SLC35F3: variants seen among roughly 807,000 people sequenced by gnomAD.
SLC35F3 encodes the protein putative thiamine transporter SLC35F3.
SLC35F3 carries 25 observed loss-of-function variants against 49.9 expected under a neutral mutation model. The observed-to-expected ratio is 0.50, with a 90% CI of 0.37 to 0.70. SLC35F3 has a LOEUF of 0.70. SLC35F3 is among the 30% of genes least tolerant of loss of function. The pLI, the probability that SLC35F3 is intolerant of heterozygous loss-of-function variation, is 0.00. For missense variants in SLC35F3, 525 were observed against 639.8 expected, an observed-to-expected ratio of 0.82 and a Z score of 1.94; for synonymous variants, 275 against 265.4, an observed-to-expected ratio of 1.04 and a Z score of -0.35.
rs6676157 is a variant in SLC35F3 at position 234,151,721 on chromosome 1, T to C, written c.284-79696T>C. 7.3e-3 allele frequency among the ~76,000 whole-genome samples: 1,109 copies of C among 152,198 alleles called. 19 individuals are homozygous for C. Among genetic ancestry groups the C allele is most frequent in the African/African-American group, 0.024 (999 of 41,534 alleles). ...AAAGTTAAAAGAAATGAAATGATTT[T>C]TACAAAGTGAGAGAAACTGACAAAT... On this transcript the variant is annotated intron_variant, in intron 2 of 7. Transcript: ENST00000366618.
intron 3 of SLC35F3, among the ~76,000 whole-genome samples, chr1:234,234,419 C>A (rs989669904): frequency 2.0e-5 from 3 of 152,202 alleles, no homozygotes; most frequent in Non-Finnish European, 1.5e-5. Flanking sequence ...AGCTCCGCAA[C>A]CTGCAACGCC....
At chr1:234,167,072 TG>T (rs1164309302) in intron 2 of SLC35F3, among the ~76,000 whole-genome samples, 2 of 152,232 alleles carry the variant, frequency 1.3e-5, no homozygotes, top group African/African-American at 4.8e-5. Flanking sequence ...CTCCCCTCTC[TG>T]GGGGCCAGAT....
At position 234,309,077 on chromosome 1, in the gene SLC35F3, G is replaced by A. The variant is rs140947577; in HGVS notation, c.609-24G>A. On this transcript the variant is annotated intron_variant, in intron 3 of 7. Transcript: ENST00000366618. ...TGTCTGAACCCAGGAAAATAATAACGATGCCTCTCTTTCCTTGTTTTAGGG... is the reference window on the plus strand; with the variant it reads ...TGTCTGAACCCAGGAAAATAATAACAATGCCTCTCTTTCCTTGTTTTAGGG... The A allele has an allele frequency of 1.1e-4, 180 of 1,595,732 alleles. No homozygotes were observed. In the African/African-American group the frequency reaches 2.2e-3, roughly 20 times the overall value.
intron 3 of SLC35F3, among the ~76,000 whole-genome samples, chr1:234,233,454 G>A (rs1667415695): frequency 6.6e-6 from 1 of 152,182 alleles, no homozygotes; most frequent in African/African-American, 2.4e-5. Context: ...GGTAACACTG[G>A]CTGTTGTCCC....
At chr1:234,209,489 C>T (rs1667019792) in intron 2 of SLC35F3, among the ~76,000 whole-genome samples, 1 of 152,036 alleles carries the variant, frequency 6.6e-6, no homozygotes, top group South Asian at 2.1e-4. Flanking sequence ...AATAGGCATT[C>T]CCACCACATC....
chr1:233,920,524 G>A (rs1662041134), intron 2 of SLC35F3, among the ~76,000 whole-genome samples: 1 of 152,206 alleles, frequency 6.6e-6, no homozygotes, highest in Non-Finnish European at 1.5e-5. Flanking sequence ...GGGATGTCAG[G>A]GTTGTAGTGT....
chr1:234,256,439 C>A (rs1180445118), intron 3 of SLC35F3, among the ~76,000 whole-genome samples: 2 of 152,170 alleles, frequency 1.3e-5, no homozygotes, highest in Non-Finnish European at 2.9e-5. Context: ...TATATCCTCT[C>A]CTTTGCTAAC....
intron 2 of SLC35F3, among the ~76,000 whole-genome samples, chr1:233,919,398 A>G (rs1419886841): frequency 6.6e-6 from 1 of 152,172 alleles, no homozygotes; most frequent in African/African-American, 2.4e-5. Flanking sequence ...AGATATGCTC[A>G]TTGGTGTGTG....
intron 2 of SLC35F3, among the ~76,000 whole-genome samples, chr1:234,219,929 C>T (rs1378619495): frequency 1.3e-5 from 2 of 152,126 alleles, no homozygotes; most frequent in South Asian, 2.1e-4. Flanking sequence ...CAGACGAAGG[C>T]GCAGAGCTAG....
intron 2 of SLC35F3, among the ~76,000 whole-genome samples, chr1:234,079,422 G>A (rs1420533405): frequency 1.3e-5 from 2 of 152,070 alleles, no homozygotes; most frequent in Non-Finnish European, 2.9e-5. Context: ...AAAAGCACAA[G>A]CCACTAAAGA....
intron 2 of SLC35F3, among the ~76,000 whole-genome samples, chr1:234,107,576 G>C (rs1458678476): frequency 6.6e-6 from 1 of 152,048 alleles, no homozygotes; most frequent in Non-Finnish European, 1.5e-5. Context: ...ACTATCATGT[G>C]TATGACTACT....
rs558158974 is a variant in SLC35F3, at chr1:234,183,083, C to G, written c.284-48334C>G. 5.0e-4 allele frequency among the ~76,000 whole-genome samples: 72 copies of G among 143,202 alleles called. 14 individuals are homozygous for G. The South Asian group carries it at 0.013, about 26-fold the overall frequency. 93.9% of individuals were successfully genotyped at this position (143,202 alleles called of 152,430 possible). The stretch of plus-strand genomic sequence containing the variant: ...CCAGGCTAGAGTGCAGTGGCACAAT[C>G]TCAGCTCACTGCAACCTCCACCTTG... On this transcript the variant is annotated intron_variant, in intron 2 of 7. Transcript: ENST00000366618.
At chr1:234,276,186 A>G (rs890261557) in intron 3 of SLC35F3, among the ~76,000 whole-genome samples, 1 of 152,214 alleles carries the variant, frequency 6.6e-6, no homozygotes. Context: ...ACAAATTCTC[A>G]TTATAGCCAG....
intron 2 of SLC35F3, among the ~76,000 whole-genome samples, chr1:234,160,360 C>T (rs6586374): frequency 0.15 from 22,732 of 152,108 alleles, 5,396 homozygotes; most frequent in African/African-American, 0.5. Flanking sequence ...AGCACAACAG[C>T]GTTGTTGGAG....
At chr1:234,194,947 C>T (rs1020153611) in intron 2 of SLC35F3, among the ~76,000 whole-genome samples, 1 of 152,166 alleles carries the variant, frequency 6.6e-6, no homozygotes, top group African/African-American at 2.4e-5. Context: ...TTGGAAAGAG[C>T]ATATATTTTG....
intron 2 of SLC35F3, among the ~76,000 whole-genome samples, chr1:234,024,360 G>A (rs12080573): frequency 0.079 from 12,025 of 152,214 alleles, 1,275 homozygotes; most frequent in African/African-American, 0.24. Context: ...TGCCAAGCTC[G>A]GGGCTTCAAA....
chr1:234,113,381 A>G (rs1665437187), intron 2 of SLC35F3, among the ~76,000 whole-genome samples: 1 of 152,246 alleles, frequency 6.6e-6, no homozygotes, highest in Non-Finnish European at 1.5e-5. Flanking sequence ...TACTCACTAC[A>G]GGCTAATACT....
chr1:234,235,742 C>T (rs538119205), intron 3 of SLC35F3, among the ~76,000 whole-genome samples: 1 of 152,264 alleles, frequency 6.6e-6, no homozygotes, highest in African/African-American at 2.4e-5. Context: ...TGTAAGCCAG[C>T]CAATTGATTC....
chr1:234,081,887 G>A (rs149150181), intron 2 of SLC35F3, among the ~76,000 whole-genome samples: 37 of 129,590 alleles, frequency 2.9e-4, no homozygotes, highest in African/African-American at 1.1e-3. Context: ...ACAGGCGCCT[G>A]CCACCATGCC....
Sources: gnomAD v4.1 joint callset for allele counts (sites outside exome capture counted in the v4.1 genomes callset) on GRCh38, gnomAD v4.1.1 for gene constraint, MANE v1.5 for transcripts, NCBI Gene and HGNC (gene_info 2026-07-23, HGNC 2026-07-21) for gene names.